The following ZDHHC20 variants were observed in gnomAD, a reference collection of about 807,000 sequenced individuals.
ZDHHC20 encodes the protein zDHHC palmitoyltransferase 20.
ZDHHC20 carries 43 observed loss-of-function variants against 57.8 expected under a neutral mutation model. That is an observed-to-expected ratio of 0.74 (90% confidence interval 0.58 to 0.96). ZDHHC20 has a LOEUF of 0.96. ZDHHC20 is among the 40% of genes least tolerant of loss of function. The pLI, the probability that ZDHHC20 is intolerant of heterozygous loss-of-function variation, is 0.00. For missense variants in ZDHHC20, 391 were observed against 441.1 expected (o/e 0.89, Z 1.02); for synonymous variants, 157 against 153.0 (o/e 1.03, Z -0.19).
intron 1 of ZDHHC20, among the ~76,000 whole-genome samples, chr13:21,450,695 G>A (rs1884360284): frequency 6.6e-6 from 1 of 150,940 alleles, no homozygotes; most frequent in African/African-American, 2.4e-5. Context: ...AAGTTATCTA[G>A]AAAATTACTA....
intron 1 of ZDHHC20, among the ~76,000 whole-genome samples, chr13:21,438,007 T>A (rs2137988918): frequency 6.6e-6 from 1 of 152,314 alleles, no homozygotes; most frequent in Non-Finnish European, 1.5e-5. Flanking sequence ...TTGAATATTT[T>A]AAGCCCACTG....
At chr13:21,453,681 C>T (rs1884660630) in intron 1 of ZDHHC20, among the ~76,000 whole-genome samples, 1 of 152,056 alleles carries the variant, frequency 6.6e-6, no homozygotes, top group Non-Finnish European at 1.5e-5. Flanking sequence ...CTGGAAAACC[C>T]CCAAATAAAT....
At chr13:21,386,834 C>G (rs1874607779) in intron 9 of ZDHHC20, among the ~76,000 whole-genome samples, 1 of 152,280 alleles carries the variant, frequency 6.6e-6, no homozygotes, top group African/African-American at 2.4e-5. Flanking sequence ...CAGGCATGAC[C>G]CACTGTGTCT....
chr13:21,437,849 G>A (rs565270349), intron 1 of ZDHHC20, among the ~76,000 whole-genome samples: 10 of 152,138 alleles, frequency 6.6e-5, no homozygotes, highest in African/African-American at 2.2e-4. Flanking sequence ...CCGCCACCAC[G>A]CCTGGCTAAT....
At chr13:21,377,025 C>G in intron 12 of ZDHHC20, 1 of 164,722 alleles carries the variant, frequency 6.1e-6, no homozygotes. Flanking sequence ...TTCTCAACCA[C>G]CACAAGCATC....
chr13:21,441,124 A>G (rs1163495574), intron 1 of ZDHHC20, among the ~76,000 whole-genome samples: 1 of 152,116 alleles, frequency 6.6e-6, no homozygotes, highest in African/African-American at 2.4e-5. Flanking sequence ...CTTGTCTAGC[A>G]CCAGAAACAA....
At chr13:21,417,359 T>A (rs1175556249) in intron 3 of ZDHHC20, among the ~76,000 whole-genome samples, 1 of 152,148 alleles carries the variant, frequency 6.6e-6, no homozygotes, top group African/African-American at 2.4e-5. Context: ...AGTACTGGAT[T>A]GAAACAATGA....
chr13:21,456,356 G>A lies in ZDHHC20; in HGVS notation c.118+2698C>T, dbSNP rs149242930. Among the ~76,000 whole-genome samples, 1,033 of 152,324 alleles carry A rather than the reference G, an allele frequency of 6.8e-3. 7 individuals carry two copies. Among genetic ancestry groups the A allele is most frequent in the South Asian group, 0.013 (63 of 4,820 alleles). On this transcript the variant is annotated intron_variant, in intron 1 of 12. Transcript: ENST00000400590. ...ACCCAGGAGGCAGAGGTTGCAGTGA[G>A]CCAAGATCGCATCATTGCACTCCAG...
At chr13:21,416,698 G>T (rs746581769) in intron 3 of ZDHHC20, among the ~76,000 whole-genome samples, 11 of 152,154 alleles carry the variant, frequency 7.2e-5, no homozygotes, top group Non-Finnish European at 1.5e-4. Flanking sequence ...CCTAAGTTTT[G>T]AAAGATAAAC....
chr13:21,401,658 A>T lies in ZDHHC20; in HGVS notation c.468T>A (p.Cys156Ter). The change falls in exon 6 of 13, where the codon TGT becomes TGA. Residue 156 changes from cysteine to a stop codon, truncating the protein, a stop_gained. Transcript: ENST00000400590. LOFTEE classifies it high-confidence loss of function. ...TTCTGTTTTTTTATACATACCAAGG[A>T]CAGTGATGATCCATCTTAAGAATAC... Reference protein sequence around the residue: ...DSCILKMDHHCPWVNNCVGFS... With the variant: ...DSCILKMDHH The T allele has an allele frequency of 6.5e-7, 1 of 1,539,542 alleles. No individual in the cohort carries two copies. The highest frequency in any genetic ancestry group is 8.7e-7 in the Non-Finnish European group (1 of 1,144,688).
intron 7 of ZDHHC20, among the ~76,000 whole-genome samples, chr13:21,394,312 C>T (rs1291964701): frequency 1.3e-5 from 2 of 152,180 alleles, no homozygotes; most frequent in Non-Finnish European, 2.9e-5. Context: ...TCCATTAATT[C>T]CCTTCAAGTT....
At chr13:21,381,358 G>A (rs1873373599) in intron 11 of ZDHHC20, 76 bp downstream of exon 11, 4 of 1,150,536 alleles carry the variant, frequency 3.5e-6, no homozygotes, top group Admixed American at 2.3e-5. Context: ...ACATTATTTT[G>A]ATTTTTCCAC....
At chr13:21,430,342 T>C (rs1881766979) in intron 1 of ZDHHC20, among the ~76,000 whole-genome samples, 1 of 151,998 alleles carries the variant, frequency 6.6e-6, no homozygotes, top group Admixed American at 6.6e-5. Context: ...CCTTAGTGCT[T>C]CCCAGATAGC....
intron 7 of ZDHHC20, among the ~76,000 whole-genome samples, chr13:21,394,312 C>A (rs1291964701): frequency 6.6e-6 from 1 of 152,298 alleles, no homozygotes; most frequent in East Asian, 1.9e-4. Flanking sequence ...TCCATTAATT[C>A]CCTTCAAGTT....
At chr13:21,433,393 G>A (rs571820937) in intron 1 of ZDHHC20, among the ~76,000 whole-genome samples, 194 of 152,192 alleles carry the variant, frequency 1.3e-3, no homozygotes, top group Admixed American at 2.2e-3. Context: ...TGAGGCGGGC[G>A]GATCATGAGG....
chr13:21,412,625 G>A (rs1035780343), intron 4 of ZDHHC20, among the ~76,000 whole-genome samples: 1 of 152,080 alleles, frequency 6.6e-6, no homozygotes, highest in African/African-American at 2.4e-5. Flanking sequence ...AGAAGGAAGT[G>A]AGGCCCTGGA....
rs998932216 is a variant in ZDHHC20 at position 21,376,758 on chromosome 13, C to T, written c.*41-103G>A. 3.5e-5 allele frequency: 23 copies of T among 659,344 alleles called. No homozygotes were observed. The African/African-American group carries it at 4.4e-4, about 12-fold the overall frequency. The allele number at this position is 659,344 out of a possible 1,614,324, so 40.8% of individuals were successfully genotyped here. A position where few individuals can be genotyped will look rare whatever the true frequency, so the allele number is the denominator to read the frequency against. On this transcript the variant is annotated intron_variant, in intron 12 of 12. Transcript: ENST00000400590. ...CTAAGGTACAAAGCTACTAATATAACAAGATGGAAAATGAATTCCTTAACA... is the reference window on the plus strand; with the variant it reads ...CTAAGGTACAAAGCTACTAATATAATAAGATGGAAAATGAATTCCTTAACA...
At chr13:21,439,105 T>C (rs1566108747) in intron 1 of ZDHHC20, among the ~76,000 whole-genome samples, 1 of 152,202 alleles carries the variant, frequency 6.6e-6, no homozygotes, top group Non-Finnish European at 1.5e-5. Context: ...ATTGTGGTGG[T>C]ATGAAATCAA....
intron 11 of ZDHHC20, among the ~76,000 whole-genome samples, chr13:21,379,288 CTT>C (rs200310611): frequency 2.1e-5 from 3 of 145,874 alleles, no homozygotes. Context: ...TTTCTTTTTC[CTT>C]TTTTTTTTTG....
Sources: allele counts gnomAD v4.1 joint callset (sites outside exome capture counted in the v4.1 genomes callset), GRCh38; gene constraint gnomAD v4.1.1; transcripts MANE v1.5; gene names NCBI Gene and HGNC (gene_info 2026-07-23, HGNC 2026-07-21).